The following PAK5 variants were observed in gnomAD, a reference collection of about 807,000 sequenced individuals.
The protein encoded by PAK5 is p21 (RAC1) activated kinase 5, also known as serine/threonine-protein kinase PAK 5.
A neutral mutation model predicts 65.9 loss-of-function variants in PAK5; 16 were observed. The observed-to-expected ratio is 0.24, with a 90% CI of 0.16 to 0.37. PAK5 has a LOEUF of 0.37. Ranked by LOEUF, PAK5 falls within the 10% of genes least tolerant of loss-of-function variation. PAK5 has a pLI of 1.00. For missense variants in PAK5, 785 were observed against 903.9 expected, an observed-to-expected ratio of 0.87 and a Z score of 1.69; for synonymous variants, 371 against 354.9, an observed-to-expected ratio of 1.05 and a Z score of -0.51.
At position 9,665,085 on chromosome 20, in the gene PAK5, G is replaced by GTTTTT. The variant is rs754435525; in HGVS notation, c.-11-20751_-11-20747dup. ...CCACCATGCCCAGCTAAATTTTTCT[G>GTTTTT]TTTTTTTTTTTTTTTGTAGTGATGA... is the stretch of plus-strand genomic sequence containing the variant. On this transcript the variant is annotated intron_variant, in intron 2 of 9. Transcript: ENST00000353224. Among the ~76,000 whole-genome samples, 12 of 98,892 alleles carry GTTTTT rather than the reference G, an allele frequency of 1.2e-4. 1 individual carries two copies. Among genetic ancestry groups the GTTTTT allele is most frequent in the East Asian group, 3.8e-4 (1 of 2,620 alleles). The allele number at this position is 98,892 out of a possible 152,430, so 64.9% of individuals were successfully genotyped here. A position where few individuals can be genotyped will look rare whatever the true frequency, so the allele number is the denominator to read the frequency against.
At chr20:9,627,853 C>T (rs147127678) in intron 3 of PAK5, among the ~76,000 whole-genome samples, 2,919 of 152,232 alleles carry the variant, frequency 0.019, 45 homozygotes, top group South Asian at 0.062. Flanking sequence ...TCTCGAACTC[C>T]TGACCTCAAG....
intron 1 of PAK5, among the ~76,000 whole-genome samples, chr20:9,792,981 C>T (rs1342320441): frequency 2.6e-5 from 4 of 152,150 alleles, no homozygotes; most frequent in Non-Finnish European, 5.9e-5. Context: ...GCTCTACTGC[C>T]TCAGCAGAAT....
intron 1 of PAK5, among the ~76,000 whole-genome samples, chr20:9,734,070 T>C (rs975006474): frequency 1.3e-5 from 2 of 152,174 alleles, no homozygotes; most frequent in South Asian, 2.1e-4. Context: ...GAAGGTGTCT[T>C]GAGGAAGCTT....
At chr20:9,779,562 T>C (rs2048920638) in intron 1 of PAK5, among the ~76,000 whole-genome samples, 1 of 151,806 alleles carries the variant, frequency 6.6e-6, no homozygotes, top group Non-Finnish European at 1.5e-5. Context: ...TGATACTACA[T>C]TAAATTAACT....
chr20:9,649,818 T>C (rs1277373628), intron 2 of PAK5, among the ~76,000 whole-genome samples: 1 of 152,184 alleles, frequency 6.6e-6, no homozygotes, highest in East Asian at 1.9e-4. Context: ...CACTGCTCTA[T>C]ATGTACCAAT....
At chr20:9,644,086 G>C (rs1424891057) in intron 3 of PAK5, 39 bp downstream of exon 3, 10 of 1,500,878 alleles carry the variant, frequency 6.7e-6, no homozygotes, top group Non-Finnish European at 9.3e-6. Flanking sequence ...ATAAGAGCAT[G>C]ATTCTTAAGC....
chr20:9,552,852 C>T (rs1428466849), intron 7 of PAK5, among the ~76,000 whole-genome samples: 2 of 151,680 alleles, frequency 1.3e-5, no homozygotes. Context: ...CTCCAGGGTG[C>T]TAGGACTACA....
At chr20:9,686,904 G>C (rs574909175) in intron 2 of PAK5, among the ~76,000 whole-genome samples, 2 of 152,352 alleles carry the variant, frequency 1.3e-5, no homozygotes, top group East Asian at 3.9e-4. Flanking sequence ...TGTAATATGT[G>C]AAAGAGAAGA....
intron 4 of PAK5, among the ~76,000 whole-genome samples, chr20:9,568,509 C>T (rs1350081180): frequency 6.6e-6 from 1 of 152,166 alleles, no homozygotes; most frequent in African/African-American, 2.4e-5. Context: ...TCTCAATGAC[C>T]TGTGCCTCCT....
intron 3 of PAK5, among the ~76,000 whole-genome samples, chr20:9,615,231 T>C (rs1168172071): frequency 3.3e-5 from 5 of 152,180 alleles, no homozygotes; most frequent in Non-Finnish European, 7.3e-5. Flanking sequence ...CGATTCTTTA[T>C]GATATGACAA....
chr20:9,625,280 G>A (rs751715868), intron 3 of PAK5, among the ~76,000 whole-genome samples: 9 of 152,078 alleles, frequency 5.9e-5, no homozygotes, highest in South Asian at 2.1e-4. Context: ...CTCTCTGCCC[G>A]GACACCCTCT....
intron 1 of PAK5, among the ~76,000 whole-genome samples, chr20:9,826,802 A>G (rs1978325494): frequency 6.6e-6 from 1 of 152,190 alleles, no homozygotes; most frequent in African/African-American, 2.4e-5. Context: ...TACACAAATC[A>G]AGGGATAATT....
chr20:9,665,662 C>CTTTTT lies in PAK5; in HGVS notation c.-11-21328_-11-21324dup, dbSNP rs113553567. Among the ~76,000 whole-genome samples the CTTTTT allele has an allele frequency of 2.8e-5, 4 of 144,124 alleles. No individual in the cohort carries two copies. In the East Asian group the frequency reaches 6.1e-4, roughly 22 times the overall value. The allele number at this position is 144,124 out of a possible 152,430, so 94.6% of individuals were successfully genotyped here. A position where few individuals can be genotyped will look rare whatever the true frequency, so the allele number is the denominator to read the frequency against. On this transcript the variant is annotated intron_variant, in intron 2 of 9. Coordinates refer to ENST00000353224, the MANE Select transcript of PAK5 (RefSeq NM_177990.4). ...CAGGTCTCAATATTTCTTTTCTTTT[C>CTTTTT]TTTTTTTTTTTTTGAGATGGGGTCT...
chr20:9,822,911 T>C (rs990388449), intron 1 of PAK5, among the ~76,000 whole-genome samples: 11 of 152,214 alleles, frequency 7.2e-5, no homozygotes, highest in Non-Finnish European at 1.5e-4. Context: ...AGGCATGAGT[T>C]TTATACCATT....
At chr20:9,624,991 T>C (rs1294174802) in intron 3 of PAK5, among the ~76,000 whole-genome samples, 1 of 152,148 alleles carries the variant, frequency 6.6e-6, no homozygotes, top group Non-Finnish European at 1.5e-5. Context: ...GGGCATAAAA[T>C]AGATGCGGGC....
intron 1 of PAK5, among the ~76,000 whole-genome samples, chr20:9,760,673 C>CTTTTT (rs5840332): frequency 2.5e-4 from 31 of 122,780 alleles, no homozygotes; most frequent in South Asian, 5.2e-4. Flanking sequence ...CTTTTCTTTT[C>CTTTTT]TTTTTTTTTT....
intron 1 of PAK5, among the ~76,000 whole-genome samples, chr20:9,824,712 C>G (rs1056931769): frequency 6.6e-6 from 1 of 152,178 alleles, no homozygotes; most frequent in African/African-American, 2.4e-5. Flanking sequence ...TTCACTGCCA[C>G]CCATCACAGC....
rs144259223 is a variant in PAK5 at position 9,561,415 on chromosome 20, T to C, written c.1616+1476A>G. On this transcript the variant is annotated intron_variant, in intron 6 of 9. Coordinates refer to ENST00000353224, the MANE Select transcript of PAK5 (RefSeq NM_177990.4). ...AAAAATGTATATCACATTTGCCTTATGCTTAGATCTTTCCAGTATATTTGT... is the reference window on the plus strand; with the variant it reads ...AAAAATGTATATCACATTTGCCTTACGCTTAGATCTTTCCAGTATATTTGT... 1.4e-4 allele frequency among the ~76,000 whole-genome samples: 22 copies of C among 152,370 alleles called. No individual in the cohort carries two copies. The East Asian group carries it at 4.0e-3, about 28-fold the overall frequency.
rs762188738 is a variant in PAK5, at chr20:9,665,654, TTTC to T, written c.-11-21318_-11-21316del. On this transcript the variant is annotated intron_variant, in intron 2 of 9. Coordinates refer to ENST00000353224, the MANE Select transcript of PAK5 (RefSeq NM_177990.4). Reference sequence around the variant, plus strand: ...CACTCCACCAGGTCTCAATATTTCTTTTCTTTTCTTTTTTTTTTTTTGAGATGG... The same window carrying T: ...CACTCCACCAGGTCTCAATATTTCTTTTTTCTTTTTTTTTTTTTGAGATGG... 1.8e-3 allele frequency among the ~76,000 whole-genome samples: 255 copies of T among 143,226 alleles called. 1 individual carries two copies. Among genetic ancestry groups the T allele is most frequent in the Admixed American group, 4.2e-3 (61 of 14,592 alleles). The allele number at this position is 143,226 out of a possible 152,430, so 94.0% of individuals were successfully genotyped here.
Sources: allele counts gnomAD v4.1 joint callset (sites outside exome capture counted in the v4.1 genomes callset), GRCh38; gene constraint gnomAD v4.1.1; transcripts MANE v1.5; gene names NCBI Gene and HGNC (gene_info 2026-07-23, HGNC 2026-07-21).